HS3ST4: variants seen among roughly 807,000 people sequenced by gnomAD.
HS3ST4 encodes heparan sulfate-glucosamine 3-sulfotransferase 4, also known as heparan sulfate glucosamine 3-O-sulfotransferase 4.
In HS3ST4, 17 loss-of-function variants were observed where a neutral mutation model predicts 29.2. The observed-to-expected ratio is 0.58, with a 90% CI of 0.40 to 0.87. HS3ST4 has a LOEUF of 0.87. HS3ST4 is among the 40% of genes least tolerant of loss of function. The pLI is 0.00. For missense variants in HS3ST4, 627 were observed against 634.5 expected, an observed-to-expected ratio of 0.99 and a Z score of 0.13; for synonymous variants, 314 against 285.7, an observed-to-expected ratio of 1.10 and a Z score of -1.00.
At chr16:26,076,035 A>G (rs1380949011) in intron 1 of HS3ST4, among the ~76,000 whole-genome samples, 1 of 152,108 alleles carries the variant, frequency 6.6e-6, no homozygotes, top group Non-Finnish European at 1.5e-5. Flanking sequence ...AACCTTCACC[A>G]CTAGTCAGTC....
intron 1 of HS3ST4, among the ~76,000 whole-genome samples, chr16:26,026,740 G>A (rs1969479103): frequency 6.6e-6 from 1 of 152,168 alleles, no homozygotes; most frequent in Non-Finnish European, 1.5e-5. Flanking sequence ...ACACTGGCAA[G>A]AGAAGTGGGG....
At chr16:25,729,550 GC>G (rs1421733592) in intron 1 of HS3ST4, among the ~76,000 whole-genome samples, 1 of 152,222 alleles carries the variant, frequency 6.6e-6, no homozygotes, top group East Asian at 1.9e-4. Context: ...TTCTGGGATT[GC>G]AATCGCAAAG....
intron 1 of HS3ST4, among the ~76,000 whole-genome samples, chr16:26,056,577 G>A (rs1396588844): frequency 6.6e-6 from 1 of 152,298 alleles, no homozygotes; most frequent in South Asian, 2.1e-4. Context: ...TCTAGTGTGA[G>A]GTGGATGTTT....
chr16:25,984,813 CTCTTA>C (rs1969045996), intron 1 of HS3ST4, among the ~76,000 whole-genome samples: 1 of 152,176 alleles, frequency 6.6e-6, no homozygotes, highest in African/African-American at 2.4e-5. Flanking sequence ...TTCATCTATT[CTCTTA>C]TCTTTAGTCC....
At chr16:26,107,531 C>T (rs1398691179) in intron 1 of HS3ST4, among the ~76,000 whole-genome samples, 3 of 152,062 alleles carry the variant, frequency 2.0e-5, no homozygotes, top group East Asian at 3.9e-4. Flanking sequence ...GTTTTTTATC[C>T]CTCACTGCCA....
rs181758941 is a variant in HS3ST4 at position 25,974,959 on chromosome 16, C to T, written c.735-160653C>T. Among the ~76,000 whole-genome samples the T allele has an allele frequency of 7.2e-5, 11 of 152,154 alleles. No homozygotes were observed. In the East Asian group the frequency reaches 1.9e-3, roughly 27 times the overall value. ...CAAAACTTTCTCTAATGCTGACTTC[C>T]CCATCTCAGTAAATAGCTAATCCAG... On this transcript the variant is annotated intron_variant, in intron 1 of 1. Coordinates refer to ENST00000331351, the MANE Select transcript of HS3ST4 (RefSeq NM_006040.3).
intron 1 of HS3ST4, among the ~76,000 whole-genome samples, chr16:25,729,479 G>A (rs928125722): frequency 1.4e-4 from 22 of 152,292 alleles, no homozygotes; most frequent in African/African-American, 5.3e-4. Context: ...TTTTGATGAC[G>A]TGTAGTTAGG....
intron 1 of HS3ST4, among the ~76,000 whole-genome samples, chr16:25,826,973 A>G (rs570247797): frequency 1.6e-4 from 24 of 152,310 alleles, no homozygotes; most frequent in Admixed American, 7.8e-4. Flanking sequence ...CAAGTAACAG[A>G]GGATCATTCA....
chr16:25,920,829 G>T (rs1382331399), intron 1 of HS3ST4, among the ~76,000 whole-genome samples: 1 of 151,926 alleles, frequency 6.6e-6, no homozygotes, highest in African/African-American at 2.4e-5. Flanking sequence ...TGTTGCCCAG[G>T]CTGGTCTCGA....
chr16:25,951,995 A>T (rs1178676562), intron 1 of HS3ST4, among the ~76,000 whole-genome samples: 1 of 144,702 alleles, frequency 6.9e-6, no homozygotes, highest in East Asian at 1.9e-4. Flanking sequence ...ATAAAAAAGA[A>T]AAAGGAAAAA....
At chr16:25,831,412 C>CACAG (rs936001221) in intron 1 of HS3ST4, among the ~76,000 whole-genome samples, 4 of 147,544 alleles carry the variant, frequency 2.7e-5, no homozygotes, top group African/African-American at 1.0e-4. Flanking sequence ...CACACACACA[C>CACAG]ACACACACAC....
At chr16:25,847,645 T>C (rs1333044428) in intron 1 of HS3ST4, among the ~76,000 whole-genome samples, 4 of 152,218 alleles carry the variant, frequency 2.6e-5, no homozygotes, top group African/African-American at 9.6e-5. Flanking sequence ...ATACTCTTTA[T>C]CAGTTAAAAT....
chr16:26,069,562 T>A (rs7202385), intron 1 of HS3ST4, among the ~76,000 whole-genome samples: 105,456 of 148,866 alleles, frequency 0.71, 37,062 homozygotes, highest in Middle Eastern at 0.81. Flanking sequence ...ATATATATAT[T>A]TTTTTTTATT....
At chr16:25,819,807 A>G (rs2141632703) in intron 1 of HS3ST4, among the ~76,000 whole-genome samples, 1 of 152,020 alleles carries the variant, frequency 6.6e-6, no homozygotes, top group South Asian at 2.1e-4. Context: ...TTAAGAGGAA[A>G]GGATTTCAGT....
chr16:25,817,096 T>C (rs1462924263), intron 1 of HS3ST4, among the ~76,000 whole-genome samples: 1 of 152,238 alleles, frequency 6.6e-6, no homozygotes, highest in African/African-American at 2.4e-5. Flanking sequence ...AAGCTGCAGT[T>C]TGAGTCTTAG....
chr16:26,074,982 CAA>C (rs991787013), intron 1 of HS3ST4, among the ~76,000 whole-genome samples: 9 of 152,156 alleles, frequency 5.9e-5, no homozygotes, highest in African/African-American at 1.7e-4. Context: ...ATCACGAGGT[CAA>C]GAGATCGAGG....
intron 1 of HS3ST4, among the ~76,000 whole-genome samples, chr16:26,069,956 T>C (rs1295304978): frequency 1.3e-5 from 2 of 152,138 alleles, no homozygotes; most frequent in Non-Finnish European, 2.9e-5. Flanking sequence ...CAGGCTATCA[T>C]TGTTGGACAT....
intron 1 of HS3ST4, among the ~76,000 whole-genome samples, chr16:25,894,337 G>A (rs569724176): frequency 5.3e-5 from 8 of 152,262 alleles, no homozygotes; most frequent in African/African-American, 1.9e-4. Flanking sequence ...TATAGGCAAA[G>A]AAGTCACTAG....
intron 1 of HS3ST4, among the ~76,000 whole-genome samples, chr16:26,130,099 G>A (rs1406396868): frequency 6.6e-6 from 1 of 152,170 alleles, no homozygotes; most frequent in Non-Finnish European, 1.5e-5. Context: ...GTGGGGACAG[G>A]GCGAGTGAGT....
Sources: gnomAD v4.1 joint callset for allele counts (sites outside exome capture counted in the v4.1 genomes callset) on GRCh38, gnomAD v4.1.1 for gene constraint, MANE v1.5 for transcripts, NCBI Gene and HGNC (gene_info 2026-07-23, HGNC 2026-07-21) for gene names.